Variants in LCORL observed in about 807,000 individuals in gnomAD.
The protein encoded by LCORL is ligand dependent nuclear receptor corepressor like.
A neutral mutation model predicts 141.8 loss-of-function variants in LCORL; 41 were observed. The ratio of observed to expected loss-of-function variants is 0.29; its 90% CI spans 0.23 to 0.38. The LOEUF is 0.38. LCORL is among the 10% of genes least tolerant of loss of function. The pLI is 1.00. For missense variants in LCORL, 1,759 were observed against 2,035.0 expected (o/e 0.86, Z 2.61); for synonymous variants, 618 against 694.1 (o/e 0.89, Z 1.72).
chr4:18,017,570 T>C (rs1301330581), intron 1 of LCORL, among the ~76,000 whole-genome samples: 2 of 152,086 alleles, frequency 1.3e-5, no homozygotes, highest in Non-Finnish European at 2.9e-5. Flanking sequence ...AATCTAATCA[T>C]GAGAAAGCAA....
At chr4:17,928,701 T>C (rs1241483025) in intron 4 of LCORL, among the ~76,000 whole-genome samples, 1 of 152,140 alleles carries the variant, frequency 6.6e-6, no homozygotes, top group East Asian at 1.9e-4. Flanking sequence ...ATATATGCTC[T>C]TATCACTTCG....
At chr4:17,871,286 T>C (rs891991623) in intron 7 of LCORL, among the ~76,000 whole-genome samples, 4 of 151,768 alleles carry the variant, frequency 2.6e-5, no homozygotes, top group African/African-American at 9.6e-5. Flanking sequence ...AAGTTATCAG[T>C]GAAAGATAGA....
At chr4:17,954,937 T>C (rs1458416043) in intron 4 of LCORL, among the ~76,000 whole-genome samples, 1 of 152,148 alleles carries the variant, frequency 6.6e-6, no homozygotes, top group African/African-American at 2.4e-5. Flanking sequence ...AATTATCAAC[T>C]AGGCAGTTAA....
At chr4:17,957,851 C>T (rs912168855) in intron 4 of LCORL, among the ~76,000 whole-genome samples, 4 of 151,796 alleles carry the variant, frequency 2.6e-5, no homozygotes, top group Non-Finnish European at 4.4e-5. Flanking sequence ...CAAAGTATGA[C>T]CACGATGACA....
chr4:17,922,694 C>T (rs1734485302), intron 4 of LCORL, among the ~76,000 whole-genome samples: 1 of 152,152 alleles, frequency 6.6e-6, no homozygotes, highest in South Asian at 2.1e-4. Context: ...GGTGCACACA[C>T]AGCCTCGCAA....
intron 6 of LCORL, chr4:17,883,447 T>G: frequency 3.4e-6 from 4 of 1,167,848 alleles, no homozygotes; most frequent in Non-Finnish European, 4.2e-6. Context: ...AACCTGAATC[T>G]TTTTCACCTA....
intron 7 of LCORL, among the ~76,000 whole-genome samples, chr4:17,868,261 G>A (rs1266783548): frequency 2.0e-5 from 3 of 152,062 alleles, no homozygotes; most frequent in African/African-American, 7.2e-5. Flanking sequence ...TGGGAAAAAT[G>A]TAAATTCAGT....
intron 6 of LCORL, among the ~76,000 whole-genome samples, chr4:17,879,525 G>C (rs1014454128): frequency 6.6e-5 from 10 of 151,084 alleles, no homozygotes; most frequent in African/African-American, 2.2e-4. Context: ...ATGAAGATAG[G>C]ACATGACCCC....
chr4:17,920,489 C>T (rs1734112887), intron 4 of LCORL, among the ~76,000 whole-genome samples: 1 of 152,136 alleles, frequency 6.6e-6, no homozygotes, highest in Non-Finnish European at 1.5e-5. Context: ...AGGGTGATGG[C>T]TGCTGAAGGG....
chr4:17,930,121 T>C (rs998631972), intron 4 of LCORL, among the ~76,000 whole-genome samples: 1 of 152,196 alleles, frequency 6.6e-6, no homozygotes, highest in Non-Finnish European at 1.5e-5. Flanking sequence ...TTGTGGAGGA[T>C]GTGGAAAAAC....
chr4:18,008,635 T>C (rs7656194), intron 1 of LCORL, among the ~76,000 whole-genome samples: 5,202 of 152,260 alleles, frequency 0.034, 130 homozygotes, highest in African/African-American at 0.066. Flanking sequence ...AAGATAAAAA[T>C]TGTACTATTT....
At chr4:17,902,113 G>A (rs1400010802) in intron 5 of LCORL, among the ~76,000 whole-genome samples, 1 of 151,976 alleles carries the variant, frequency 6.6e-6, no homozygotes. Context: ...ACATATTTAA[G>A]AAAATGAGAA....
intron 4 of LCORL, chr4:17,912,326 T>C (rs1000671309): frequency 1.5e-6 from 1 of 675,332 alleles, no homozygotes; most frequent in Non-Finnish European, 2.8e-6. Context: ...AAAGAGGAGC[T>C]GCTCTTCATG....
At chr4:17,849,939 A>T (rs1483452216) in intron 7 of LCORL, among the ~76,000 whole-genome samples, 3 of 151,736 alleles carry the variant, frequency 2.0e-5, no homozygotes, top group Non-Finnish European at 4.4e-5. Context: ...AGAGATATAG[A>T]TCAATGGAAC....
chr4:17,947,816 C>T (rs1739123352), intron 4 of LCORL, among the ~76,000 whole-genome samples: 1 of 151,960 alleles, frequency 6.6e-6, no homozygotes, highest in Non-Finnish European at 1.5e-5. Flanking sequence ...TTATTATCCT[C>T]TCTTTTTGGC....
chr4:18,003,443 G>C (rs956023648), intron 1 of LCORL, among the ~76,000 whole-genome samples: 25 of 152,244 alleles, frequency 1.6e-4, no homozygotes, highest in African/African-American at 5.8e-4. Flanking sequence ...GAAATTTAAG[G>C]TACGTTGAGA....
At chr4:17,980,858 G>A (rs542992617) in intron 1 of LCORL, among the ~76,000 whole-genome samples, 5 of 152,182 alleles carry the variant, frequency 3.3e-5, no homozygotes, top group African/African-American at 1.2e-4. Context: ...GTACTTGTGA[G>A]GTATTCTGGG....
At chr4:17,965,783 T>C (rs1304554855) in intron 2 of LCORL, among the ~76,000 whole-genome samples, 2 of 152,284 alleles carry the variant, frequency 1.3e-5, no homozygotes, top group East Asian at 1.9e-4. Context: ...GTTAAAGCTG[T>C]AGTAAAAATT....
At chr4:17,929,118 G>A (rs1735604728) in intron 4 of LCORL, among the ~76,000 whole-genome samples, 1 of 152,036 alleles carries the variant, frequency 6.6e-6, no homozygotes, top group Admixed American at 6.6e-5. Context: ...ACCGAAAACT[G>A]GAAACATAAT....
Sources: gnomAD v4.1 joint callset for allele counts (sites outside exome capture counted in the v4.1 genomes callset) on GRCh38, gnomAD v4.1.1 for gene constraint, MANE v1.5 for transcripts, NCBI Gene and HGNC (gene_info 2026-07-23, HGNC 2026-07-21) for gene names.